SFPQ: variants seen among roughly 807,000 people sequenced by gnomAD.
SFPQ encodes the protein splicing factor proline and glutamine rich.
In SFPQ, 11 loss-of-function variants were observed where a neutral mutation model predicts 72.9. The ratio of observed to expected loss-of-function variants is 0.15; its 90% CI spans 0.09 to 0.25. The LOEUF (loss-of-function observed/expected upper bound fraction) is 0.25, where lower values mean the gene tolerates loss of function less well. Among genes scored for constraint, SFPQ ranks in the 10% least tolerant of loss-of-function variants. SFPQ has a pLI of 1.00. For missense variants in SFPQ, 847 were observed against 993.3 expected, an observed-to-expected ratio of 0.85 and a Z score of 1.98; for synonymous variants, 506 against 367.3, an observed-to-expected ratio of 1.38 and a Z score of -4.32.
At chr1:35,185,727 A>C (rs1010568230) in intron 9 of SFPQ, among the ~76,000 whole-genome samples, 1 of 152,162 alleles carries the variant, frequency 6.6e-6, no homozygotes, top group Non-Finnish European at 1.5e-5. Flanking sequence ...CAACATGACT[A>C]AACTTTTATC....
At chr1:35,188,588 G>C (rs767655022) in intron 6 of SFPQ, among the ~76,000 whole-genome samples, 2 of 152,170 alleles carry the variant, frequency 1.3e-5, no homozygotes, top group Non-Finnish European at 2.9e-5. Context: ...AGGACTGCTA[G>C]AGCTGAGGAG....
At chr1:35,178,715 T>C (rs1639345674), downstream of SFPQ, 1 of 1,053,748 alleles carries the variant, frequency 9.5e-7, no homozygotes, top group Non-Finnish European at 1.1e-6. Flanking sequence ...AGATCAGCCT[T>C]CATTCAAGTT....
At chr1:35,186,411 G>C (rs139288069) in intron 9 of SFPQ, among the ~76,000 whole-genome samples, 27 of 152,248 alleles carry the variant, frequency 1.8e-4, no homozygotes, top group African/African-American at 6.3e-4. Context: ...GTTGATTTTT[G>C]CTACTCTGTA....
At position 35,186,996 on chromosome 1, in the gene SFPQ, A is replaced by G. The variant is rs771974326; in HGVS notation, c.1986+5T>C. Reference sequence around the variant, plus strand: ...CTTGGTACTACGTCCCACAGGATACATTACCATGTCACTTCCCATCATGGA... The same window carrying G: ...CTTGGTACTACGTCCCACAGGATACGTTACCATGTCACTTCCCATCATGGA... On this transcript the variant is annotated splice_donor_5th_base_variant and intron_variant, in intron 9 of 9. Transcript: ENST00000357214. The G allele has an allele frequency of 4.3e-6, 7 of 1,612,840 alleles. No homozygotes were observed. Among genetic ancestry groups the G allele is most frequent in the East Asian group, 4.5e-5 (2 of 44,860 alleles).
At chr1:35,188,607 T>C (rs1323695626) in intron 6 of SFPQ, among the ~76,000 whole-genome samples, 1 of 152,164 alleles carries the variant, frequency 6.6e-6, no homozygotes, top group Non-Finnish European at 1.5e-5. Context: ...AGTTTGAGAC[T>C]GCAGTGAGCT....
At chr1:35,187,825 C>T (rs1639798025) in intron 7 of SFPQ, 148 bp downstream of exon 7, 1 of 641,674 alleles carries the variant, frequency 1.6e-6, no homozygotes, top group Admixed American at 2.6e-5. Context: ...ATCCTCTGAC[C>T]CATACAAGGA....
Position 35,192,338 on chromosome 1 carries a change from C to T in SFPQ, c.712G>A (p.Gly238Ser), listed in dbSNP as rs1161918163. 1.4e-6 allele frequency: 2 copies of T among 1,402,268 alleles called. No individual in the cohort carries two copies. Among genetic ancestry groups the T allele is most frequent in the Admixed American group, 3.8e-5 (1 of 26,664 alleles). 86.9% of individuals were successfully genotyped at this position (1,402,268 alleles called of 1,614,324 possible). ...GGHPKPPHRG[G>S]GEPRGGRQHH... ...TGGCGGCCCCCGCGGGGCTCCCCGC[C>T]GCCTCGATGCGGCGGCTTGGGGTGG... is the stretch of plus-strand genomic sequence containing the variant. The change falls in exon 1 of 10, where the codon GGC (glycine) becomes AGC (serine). Residue 238 changes from glycine to serine, a missense_variant. Gly to Ser is a moderately conservative substitution (Grantham distance 56). Coordinates refer to ENST00000357214, the MANE Select transcript of SFPQ (RefSeq NM_005066.3).
chr1:35,185,389 A>G (rs1188516194), intron 9 of SFPQ, among the ~76,000 whole-genome samples: 1 of 152,204 alleles, frequency 6.6e-6, no homozygotes, highest in Non-Finnish European at 1.5e-5. Flanking sequence ...AAAAGTGCAG[A>G]CACTTTGCTG....
chr1:35,187,641 G>A (rs959209325), intron 7 of SFPQ, among the ~76,000 whole-genome samples: 2 of 151,774 alleles, frequency 1.3e-5, no homozygotes, highest in African/African-American at 4.8e-5. Context: ...TGAGGCAGGA[G>A]AATCACTTGA....
At chr1:35,178,433 A>C, downstream of SFPQ, 1 of 1,063,986 alleles carries the variant, frequency 9.4e-7, no homozygotes, top group Non-Finnish European at 1.1e-6. Context: ...TCCCCATTCA[A>C]GTATGTCTTC....
rs771036230 is a variant in SFPQ at position 35,192,189 on chromosome 1, G to T, written c.828+33C>A. 51 of 1,371,432 alleles carry T rather than the reference G, an allele frequency of 3.7e-5. No homozygotes were observed. In the South Asian group the frequency reaches 7.8e-4, roughly 21 times the overall value. The allele number at this position is 1,371,432 out of a possible 1,614,324, so 85.0% of individuals were successfully genotyped here. A position where few individuals can be genotyped will look rare whatever the true frequency, so the allele number is the denominator to read the frequency against. On this transcript the variant is annotated intron_variant, in intron 1 of 9. Coordinates refer to ENST00000357214, the MANE Select transcript of SFPQ (RefSeq NM_005066.3). ...GAGGAGGGGGCCGCCGCCATCTTAG[G>T]GGAGCCGACGCGTCGCTCCCATAGA...
At chr1:35,179,291 C>T, downstream of SFPQ, 1 of 1,059,462 alleles carries the variant, frequency 9.4e-7, no homozygotes, top group Non-Finnish European at 1.1e-6. Context: ...ACTAGTCACA[C>T]GCATCTCTTT....
At chr1:35,185,879 C>CT (rs761586094) in intron 9 of SFPQ, among the ~76,000 whole-genome samples, 14 of 152,094 alleles carry the variant, frequency 9.2e-5, no homozygotes, top group Non-Finnish European at 1.9e-4. Flanking sequence ...GAGCTATCAG[C>CT]TACCTGTTAT....
chr1:35,192,257 C>A lies in SFPQ; in HGVS notation c.793G>T (p.Gly265Cys). ...HHQGPPPGGPGGRSEEKISDS... is the reference protein window; with the variant it reads ...HHQGPPPGGPCGRSEEKISDS... The stretch of plus-strand genomic sequence containing the variant: ...GAGATCTTCTCCTCGCTGCGGCCGC[C>A]GGGCCCGCCGGGCGGGGGCCCCTGG... Residue 265 changes from glycine to cysteine, a missense_variant, in exon 1 of 10, where the codon GGC becomes TGC. By Grantham distance (159) the Gly-to-Cys change is radical (BLOSUM62 -3). Transcript: ENST00000357214. 2 of 1,463,126 alleles carry A rather than the reference C, an allele frequency of 1.4e-6. No individual in the cohort carries two copies. The highest frequency in any genetic ancestry group is 1.8e-6 in the Non-Finnish European group (2 of 1,115,024). 90.6% of individuals were successfully genotyped at this position (1,463,126 alleles called of 1,614,324 possible).
Position 35,192,963 on chromosome 1 carries a change from G to C in SFPQ, c.87C>G (p.His29Gln). The C allele has an allele frequency of 1.3e-6, 2 of 1,580,876 alleles. No individual in the cohort carries two copies. The highest frequency in any genetic ancestry group is 8.5e-7 in the Non-Finnish European group (1 of 1,172,132). ...RGGGGGRGGL[H>Q]DFRSPPPGMG... is the part of the protein sequence containing the mutation. ...TGCCGGGCGGCGGAGAACGGAAGTCGTGGAGGCCGCCGCGGCCGCCGCCTC... is the reference window on the plus strand; with the variant it reads ...TGCCGGGCGGCGGAGAACGGAAGTCCTGGAGGCCGCCGCGGCCGCCGCCTC... The change falls in exon 1 of 10, where the codon CAC becomes CAG. Residue 29 changes from histidine to glutamine, a missense_variant. By Grantham distance (24) the His-to-Gln change is conservative (BLOSUM62 0). Coordinates refer to ENST00000357214, the MANE Select transcript of SFPQ (RefSeq NM_005066.3).
downstream of SFPQ, chr1:35,180,624 T>A (rs942750069): frequency 9.5e-7 from 1 of 1,050,676 alleles, no homozygotes; most frequent in African/African-American, 1.7e-5. Context: ...TTTTTAAAAA[T>A]TTTAAATCGC....
chr1:35,189,291 G>A lies in SFPQ; in HGVS notation c.1507C>T (p.Gln503Ter). 1 of 1,613,728 alleles carries A rather than the reference G, an allele frequency of 6.2e-7. No homozygotes were observed. Among genetic ancestry groups the A allele is most frequent in the Non-Finnish European group, 8.5e-7 (1 of 1,179,766 alleles). ...RWKSLDEMEK[Q>*]QREQVEKNMK... ...TTTTTTTCAACTTGTTCCCTTTGCT[G>A]TTTTTCCATTTCATCCAAAGACTTC... The change falls in exon 5 of 10, where the codon CAG (glutamine) becomes TAG (stop). Residue 503 changes from glutamine to a stop codon, truncating the protein, a stop_gained. Transcript: ENST00000357214. LOFTEE classifies it high-confidence loss of function.
At chr1:35,178,915 A>C, downstream of SFPQ, 1 of 1,051,258 alleles carries the variant, frequency 9.5e-7, no homozygotes, top group Non-Finnish European at 1.1e-6. Context: ...TTTTTTCAGC[A>C]CTGGTGTTCA....
In SFPQ at chr1:35,192,408, G is replaced by C. The variant is rs572819227; in HGVS notation, c.642C>G (p.Gly214=). The C allele has an allele frequency of 5.6e-6, 8 of 1,424,124 alleles. No homozygotes were observed. The highest frequency in any genetic ancestry group is 7.3e-6 in the Non-Finnish European group (8 of 1,096,880). 88.2% of individuals were successfully genotyped at this position (1,424,124 alleles called of 1,614,324 possible). Residue 214 remains glycine (G), a synonymous_variant, in exon 1 of 10, where the codon GGC becomes GGG. Transcript: ENST00000357214. ...CCGGGCCGCCACCTGGCTTCGGCCC[G>C]CCAGGCATTTTGCCGCCTTTGGGAC... The part of the protein sequence containing the change: ...PGGPKGGKMP[G]GPKPGGGPGL...
Sources: allele counts gnomAD v4.1 joint callset (sites outside exome capture counted in the v4.1 genomes callset), GRCh38; gene constraint gnomAD v4.1.1; transcripts MANE v1.5; gene names NCBI Gene and HGNC (gene_info 2026-07-23, HGNC 2026-07-21).